Variants in RBBP6 observed in about 807,000 individuals in gnomAD.
RBBP6 encodes the protein E3 ubiquitin-protein ligase RBBP6.
In RBBP6, 25 loss-of-function variants were observed where a neutral mutation model predicts 167.7. That is an observed-to-expected ratio of 0.15 (90% CI 0.11 to 0.21). The LOEUF is 0.21. Among genes scored for constraint, RBBP6 ranks in the 10% least tolerant of loss-of-function variants. The probability of loss-of-function intolerance (pLI) is 1.00; values close to 1 mark genes in which losing one functional copy is unlikely to be tolerated. For synonymous variants in RBBP6, 789 were observed against 735.8 expected (o/e 1.07, Z -1.17); for missense variants, 1,868 against 2,134.2 (o/e 0.88, Z 2.46).
chr16:24,571,032 T>C lies in RBBP6; in HGVS notation c.3966T>C (p.Asp1322=), dbSNP rs762741190. The C allele has an allele frequency of 1.2e-6, 2 of 1,612,694 alleles. No individual in the cohort carries two copies. The highest frequency in any genetic ancestry group is 1.1e-5 in the South Asian group (1 of 90,996). Residue 1322 remains aspartate (D), a synonymous_variant, in exon 18 of 18, where the codon GAT becomes GAC. Coordinates refer to ENST00000319715, the MANE Select transcript of RBBP6 (RefSeq NM_006910.5). ...IMIQVPQSKW[D]KDDFESEEED... is the part of the protein sequence containing the mutation. The stretch of plus-strand genomic sequence containing the variant: ...TTCAGGTTCCTCAATCCAAATGGGA[T>C]AAAGATGACTTTGAATCTGAAGAAG...
At chr16:24,548,033 GTTTT>G (rs138805241) in intron 2 of RBBP6, among the ~76,000 whole-genome samples, 22 of 149,464 alleles carry the variant, frequency 1.5e-4, no homozygotes, top group African/African-American at 5.2e-4. Context: ...TCAAAGCTCA[GTTTT>G]TTTTTTATCT....
In RBBP6 at chr16:24,569,461, C is replaced by T. The variant is rs751429758; in HGVS notation, c.2771C>T (p.Ala924Val). ...TCAAAAGAGAAGGAGAGTGAAAACG[C>T]TCCAGGAGATGGTAAAGGAAATAAG... Reference protein sequence around the residue: ...TKSKEKESENAPGDGKGNKHK... With the variant: ...TKSKEKESENVPGDGKGNKHK... Residue 924 changes from alanine (A) to valine (V), a missense_variant, in exon 17 of 18, where the codon GCT (alanine) becomes GTT (valine). Ala to Val is a moderately conservative substitution (Grantham distance 64). Transcript: ENST00000319715. 44 of 1,612,078 alleles carry T rather than the reference C, an allele frequency of 2.7e-5. No individual in the cohort carries two copies. Among genetic ancestry groups the T allele is most frequent in the Non-Finnish European group, 3.6e-5 (43 of 1,179,604 alleles).
rs1391558800 is a variant in RBBP6, at chr16:24,572,142, C to G, written c.5076C>G (p.Ser1692Arg). The G allele has an allele frequency of 1.2e-6, 2 of 1,613,984 alleles. No individual in the cohort carries two copies. Among genetic ancestry groups the G allele is most frequent in the Admixed American group, 3.3e-5 (2 of 59,980 alleles). The change falls in exon 18 of 18, where the codon AGC becomes AGG. Residue 1692 changes from serine to arginine, a missense_variant. Coordinates refer to ENST00000319715, the MANE Select transcript of RBBP6 (RefSeq NM_006910.5). ...VVQVGISRNQ[S>R]HSSPSVSPSR... ...AGGTGGGCATAAGCAGGAATCAGAG[C>G]CACAGCAGCCCCAGCGTCAGCCCCA...
rs145169033 is a variant in RBBP6, at chr16:24,572,250, G to A, written c.5184G>A (p.Lys1728=). Residue 1728 remains lysine (K), a synonymous_variant, in exon 18 of 18, where the codon AAG becomes AAA. Coordinates refer to ENST00000319715, the MANE Select transcript of RBBP6 (RefSeq NM_006910.5). ...ASSAESQDSK[K]KKKKKEKKKH... ...CAGCAGAAAGTCAGGACAGCAAGAA[G>A]AAGAAGAAAAAGAAGGAAAAGAAAA... The A allele has an allele frequency of 3.7e-6, 6 of 1,612,980 alleles. No individual in the cohort carries two copies. In the African/African-American group the frequency reaches 5.4e-5, roughly 14 times the overall value.
At chr16:24,543,443 T>C (rs9924061) in intron 1 of RBBP6, among the ~76,000 whole-genome samples, 39,257 of 151,736 alleles carry the variant, frequency 0.26, 5,160 homozygotes, top group Admixed American at 0.33. Flanking sequence ...CCACCATGCC[T>C]GGCTAATTTA....
chr16:24,546,137 A>T, intron 1 of RBBP6, 26 bp from the exon 2 acceptor site: 1 of 1,555,830 alleles, frequency 6.4e-7, no homozygotes, highest in East Asian at 2.3e-5. Context: ...CCAAATGGAA[A>T]TTCAATTCTG....
intron 3 of RBBP6, among the ~76,000 whole-genome samples, chr16:24,550,726 CTCTTT>C (rs541433335): frequency 2.7e-4 from 40 of 150,828 alleles, no homozygotes; most frequent in East Asian, 9.7e-4. Flanking sequence ...ATTTAGGTTT[CTCTTT>C]TCTTTTCTTT....
At chr16:24,547,489 G>A (rs1157576224) in intron 2 of RBBP6, among the ~76,000 whole-genome samples, 2 of 152,084 alleles carry the variant, frequency 1.3e-5, no homozygotes, top group African/African-American at 4.8e-5. Context: ...CTGAGATGGA[G>A]TCTCACTCTG....
chr16:24,570,737 C>A, intron 17 of RBBP6, 139 bp from the exon 18 acceptor site: 2 of 845,278 alleles, frequency 2.4e-6, no homozygotes, highest in Non-Finnish European at 3.4e-6. Flanking sequence ...GTGTGTCTTC[C>A]TTAGGGCAGA....
intron 3 of RBBP6, 79 bp from the exon 4 acceptor site, chr16:24,553,434 G>A (rs1265175345): frequency 9.3e-6 from 11 of 1,178,260 alleles, no homozygotes; most frequent in East Asian, 2.3e-5. Flanking sequence ...CAACATTAAG[G>A]TGTCAATAGG....
At chr16:24,541,304 T>C (rs1012339988) in intron 1 of RBBP6, among the ~76,000 whole-genome samples, 3 of 152,148 alleles carry the variant, frequency 2.0e-5, no homozygotes, top group Non-Finnish European at 4.4e-5. Flanking sequence ...TGGAGTTGCT[T>C]GCCTGTGTTG....
At chr16:24,562,220 G>C in intron 10 of RBBP6, 59 bp downstream of exon 10, 1 of 1,460,508 alleles carries the variant, frequency 6.8e-7, no homozygotes, top group Non-Finnish European at 9.4e-7. Context: ...GTAGTGTTTT[G>C]TTGTTGGTTA....
intron 1 of RBBP6, among the ~76,000 whole-genome samples, chr16:24,542,064 A>G (rs1242311257): frequency 1.3e-5 from 2 of 152,242 alleles, no homozygotes; most frequent in African/African-American, 2.4e-5. Flanking sequence ...CTCAAATGAT[A>G]TTATGTGAAA....
chr16:24,558,413 T>A (rs1224689519), intron 7 of RBBP6: 1 of 923,938 alleles, frequency 1.1e-6, no homozygotes, highest in Non-Finnish European at 1.3e-6. Context: ...TTTCTCTCTT[T>A]TGGGCAGTGG....
At position 24,548,885 on chromosome 16, in the gene RBBP6, T is replaced by C. The variant is rs1054770210; in HGVS notation, c.267-60T>C. Reference sequence around the variant, plus strand: ...TTATTGAAGATAATGTGTTAAAATTTATTAGCACAAAAATTCATAAATAGC... The same window carrying C: ...TTATTGAAGATAATGTGTTAAAATTCATTAGCACAAAAATTCATAAATAGC... On this transcript the variant is annotated intron_variant, in intron 2 of 17. Transcript: ENST00000319715. The C allele has an allele frequency of 6.4e-6, 9 of 1,409,354 alleles. 1 individual carries two copies. In the Admixed American group the frequency reaches 1.2e-4, roughly 19 times the overall value. The allele number at this position is 1,409,354 out of a possible 1,614,324, so 87.3% of individuals were successfully genotyped here.
chr16:24,567,608 G>A, intron 15 of RBBP6, 103 bp downstream of exon 15: 1 of 1,387,406 alleles, frequency 7.2e-7, no homozygotes, highest in Non-Finnish European at 9.7e-7. Flanking sequence ...GTTAGTATGA[G>A]AAATTCACCT....
Position 24,562,044 on chromosome 16 carries a change from A to C in RBBP6, c.1172A>C (p.Gln391Pro), listed in dbSNP as rs1331854613. 6.2e-7 allele frequency: 1 copy of C among 1,612,770 alleles called. No individual in the cohort carries two copies. The highest frequency in any genetic ancestry group is 1.1e-5 in the South Asian group (1 of 91,068). Reference protein sequence around the residue: ...APSISSLTSNQSSLAPPVSGN... With the variant: ...APSISSLTSNPSSLAPPVSGN... ...TCTATATCTTCATTAACTTCTAATC[A>C]GTCTTCCTTGGCCCCTCCTGTGTCT... Residue 391 changes from glutamine (Q) to proline (P), a missense_variant, in exon 10 of 18, where the codon CAG (glutamine) becomes CCG (proline). Gln to Pro is a moderately conservative substitution (Grantham distance 76). This residue lies in a region of RBBP6 where 245 missense variants were observed against 240.1 expected (regional missense o/e 1.02). Transcript: ENST00000319715.
Position 24,563,207 on chromosome 16 carries a change from A to T in RBBP6, c.1298A>T (p.Asp433Val), listed in dbSNP as rs777958902. Residue 433 changes from aspartate (D) to valine (V), a missense_variant, in exon 11 of 18, where the codon GAT becomes GTT. Coordinates refer to ENST00000319715, the MANE Select transcript of RBBP6 (RefSeq NM_006910.5). ...ATTTATGTTTTTTAAAGGGATTCTGATAATAAAATATTGCCAGCTGCAGCT... is the reference window on the plus strand; with the variant it reads ...ATTTATGTTTTTTAAAGGGATTCTGTTAATAAAATATTGCCAGCTGCAGCT... Reference protein sequence around the residue: ...EKSDGPFRDSDNKILPAAALA... With the variant: ...EKSDGPFRDSVNKILPAAALA... 6.2e-7 allele frequency: 1 copy of T among 1,604,778 alleles called. No individual in the cohort carries two copies. Among genetic ancestry groups the T allele is most frequent in the African/African-American group, 1.3e-5 (1 of 74,586 alleles).
chr16:24,540,636 G>T lies in RBBP6; in HGVS notation c.10G>T (p.Val4Leu). Reference protein sequence around the residue: MSCVHYKFSSKLNY... With the variant: MSCLHYKFSSKLNY... ...GGAATCCCTTGGCACCATGTCCTGT[G>T]TGCATTATAAATTTTCCTCTAAACT... Residue 4 changes from valine to leucine, a missense_variant, in exon 1 of 18, where the codon GTG becomes TTG. Physicochemically the swap from Val to Leu is conservative, Grantham distance 32. Transcript: ENST00000319715. The T allele has an allele frequency of 6.2e-7, 1 of 1,613,690 alleles. No individual in the cohort carries two copies. The highest frequency in any genetic ancestry group is 8.5e-7 in the Non-Finnish European group (1 of 1,179,656).
Sources: gnomAD v4.1 joint callset for allele counts (sites outside exome capture counted in the v4.1 genomes callset) on GRCh38, gnomAD v4.1.1 for gene constraint, gnomAD v4.1.1 regional missense constraint, MANE v1.5 for transcripts, NCBI Gene and HGNC (gene_info 2026-07-23, HGNC 2026-07-21) for gene names.